SUCLG2: variants seen among roughly 807,000 people sequenced by gnomAD.
SUCLG2 encodes the protein succinate-CoA ligase GDP-forming subunit beta, also known as succinate--CoA ligase [GDP-forming] subunit beta, mitochondrial.
A neutral mutation model predicts 47.9 loss-of-function variants in SUCLG2; 42 were observed. The observed-to-expected ratio is 0.88, with a 90% CI of 0.69 to 1.14. SUCLG2 has a LOEUF of 1.14. Among genes scored for constraint, SUCLG2 ranks in the 50% most tolerant of loss-of-function variants. SUCLG2 has a pLI of 0.00. For synonymous variants in SUCLG2, 195 were observed against 197.3 expected, an observed-to-expected ratio of 0.99 and a Z score of 0.10; for missense variants, 571 against 525.9, an observed-to-expected ratio of 1.09 and a Z score of -0.84.
intron 2 of SUCLG2, among the ~76,000 whole-genome samples, chr3:67,587,449 C>T (rs181678919): frequency 9.2e-5 from 14 of 152,290 alleles, no homozygotes; most frequent in South Asian, 2.1e-4. Context: ...CATTTCTTTT[C>T]GTTCTGCATT....
At chr3:67,639,373 T>G (rs1384876720) in intron 1 of SUCLG2, among the ~76,000 whole-genome samples, 1 of 152,000 alleles carries the variant, frequency 6.6e-6, no homozygotes, top group Admixed American at 6.5e-5. Flanking sequence ...GGCACCGAAG[T>G]GTTAAACCAG....
At chr3:67,418,456 G>T (rs1432533252) in intron 9 of SUCLG2, among the ~76,000 whole-genome samples, 1 of 152,114 alleles carries the variant, frequency 6.6e-6, no homozygotes, top group African/African-American at 2.4e-5. Flanking sequence ...TTGAACACAG[G>T]TTTATCTAAT....
chr3:67,400,473 G>A (rs1445568691), intron 10 of SUCLG2, among the ~76,000 whole-genome samples: 1 of 152,078 alleles, frequency 6.6e-6, no homozygotes, highest in Non-Finnish European at 1.5e-5. Flanking sequence ...CTCATAAAAT[G>A]ATTCATAAAT....
At chr3:67,567,167 A>G (rs1313657415) in intron 2 of SUCLG2, among the ~76,000 whole-genome samples, 2 of 152,118 alleles carry the variant, frequency 1.3e-5, no homozygotes, top group Non-Finnish European at 2.9e-5. Context: ...TGGGTGACAG[A>G]GTAAGAGCCT....
intron 1 of SUCLG2, among the ~76,000 whole-genome samples, chr3:67,631,203 TCTGA>T (rs1700919708): frequency 6.6e-6 from 1 of 152,194 alleles, no homozygotes; most frequent in Non-Finnish European, 1.5e-5. Flanking sequence ...GATAAGGCTC[TCTGA>T]CTCTCATCAG....
At chr3:67,394,426 T>C (rs1702473441) in intron 10 of SUCLG2, among the ~76,000 whole-genome samples, 1 of 123,722 alleles carries the variant, frequency 8.1e-6, no homozygotes, top group South Asian at 2.6e-4. Flanking sequence ...GTATCAGTGA[T>C]GGAAGATGAA....
intron 2 of SUCLG2, among the ~76,000 whole-genome samples, chr3:67,591,618 A>G (rs1708166941): frequency 6.6e-6 from 1 of 152,058 alleles, no homozygotes; most frequent in Admixed American, 6.6e-5. Context: ...ACCATGTAAG[A>G]AGTGCCTTTC....
intron 1 of SUCLG2, among the ~76,000 whole-genome samples, chr3:67,631,636 A>G (rs925903166): frequency 6.6e-6 from 1 of 152,000 alleles, no homozygotes; most frequent in East Asian, 1.9e-4. Flanking sequence ...CAAAAAAAAT[A>G]AAAAAATAAA....
chr3:67,647,031 C>T (rs1028146269), intron 1 of SUCLG2, among the ~76,000 whole-genome samples: 3 of 152,104 alleles, frequency 2.0e-5, no homozygotes, highest in Admixed American at 6.5e-5. Context: ...CATTTCTCAC[C>T]GTAAACTCTA....
intron 2 of SUCLG2, among the ~76,000 whole-genome samples, chr3:67,552,172 C>CAAAAAAAAAAAAAAAA (rs55687048): frequency 2.4e-4 from 18 of 75,420 alleles, no homozygotes; most frequent in Non-Finnish European, 4.8e-4. Flanking sequence ...AACTCCATCT[C>CAAAAAAAAAAAAAAAA]AAAAAAAAAA....
At chr3:67,459,613 T>C (rs577918726) in intron 9 of SUCLG2, among the ~76,000 whole-genome samples, 61 of 152,322 alleles carry the variant, frequency 4.0e-4, no homozygotes, top group African/African-American at 1.4e-3. Context: ...TACTCCATGG[T>C]AAATGAGAGA....
chr3:67,445,980 G>A lies in SUCLG2; in HGVS notation c.1063-45129C>T, dbSNP rs949682535. On this transcript the variant is annotated intron_variant, in intron 9 of 10. Transcript: ENST00000307227. ...TCAACCTTGAGGAGGTTGGGATGAT[G>A]CCTAAGAGAAGAACCAACTTAGGCT... is the stretch of plus-strand genomic sequence containing the variant. Among the ~76,000 whole-genome samples the A allele has an allele frequency of 2.6e-5, 2 of 76,234 alleles. 1 individual carries two copies. The highest frequency in any genetic ancestry group is 9.2e-5 in the African/African-American group (2 of 21,624). 50.0% of individuals were successfully genotyped at this position (76,234 alleles called of 152,430 possible). A position where few individuals can be genotyped will look rare whatever the true frequency, so the allele number is the denominator to read the frequency against.
intron 10 of SUCLG2, 33 bp downstream of exon 10, chr3:67,400,698 G>A (rs778120727): frequency 1.1e-5 from 18 of 1,607,150 alleles, no homozygotes; most frequent in Middle Eastern, 2.3e-4. Flanking sequence ...TGGAGAAGGG[G>A]TGCTGGCACA....
chr3:67,514,330 C>T, intron 6 of SUCLG2: 1 of 385,216 alleles, frequency 2.6e-6, no homozygotes, highest in South Asian at 2.5e-5. Flanking sequence ...TTAAGTCTGG[C>T]AATGATGACT....
At chr3:67,553,426 TATC>T (rs1423673572) in intron 2 of SUCLG2, among the ~76,000 whole-genome samples, 1 of 152,244 alleles carries the variant, frequency 6.6e-6, no homozygotes, top group Admixed American at 6.5e-5. Context: ...TTGCAAATCT[TATC>T]ATTCTACTTA....
At chr3:67,628,573 T>C (rs6774971) in intron 1 of SUCLG2, among the ~76,000 whole-genome samples, 45,744 of 152,096 alleles carry the variant, frequency 0.3, 7,300 homozygotes, top group Non-Finnish European at 0.36. Flanking sequence ...CCTAGAACTG[T>C]AGCCTCCATA....
chr3:67,530,085 A>G (rs1391807259), intron 2 of SUCLG2, among the ~76,000 whole-genome samples: 1 of 152,224 alleles, frequency 6.6e-6, no homozygotes, highest in Non-Finnish European at 1.5e-5. Context: ...TTTGTGAGTC[A>G]TCTTTATTTA....
At chr3:67,407,068 G>A (rs144943378) in intron 9 of SUCLG2, among the ~76,000 whole-genome samples, 1 of 152,064 alleles carries the variant, frequency 6.6e-6, no homozygotes, top group African/African-American at 2.4e-5. Flanking sequence ...TAGGTTTTTT[G>A]AGCCCGTCTC....
intron 2 of SUCLG2, among the ~76,000 whole-genome samples, chr3:67,550,225 A>C (rs1559567938): frequency 6.6e-6 from 1 of 152,132 alleles, no homozygotes; most frequent in Non-Finnish European, 1.5e-5. Flanking sequence ...ACTGCATCTC[A>C]AGTCATTGAC....
Sources: allele counts gnomAD v4.1 joint callset (sites outside exome capture counted in the v4.1 genomes callset), GRCh38; gene constraint gnomAD v4.1.1; transcripts MANE v1.5; gene names NCBI Gene and HGNC (gene_info 2026-07-23, HGNC 2026-07-21).